The following SNTG1 variants were observed in gnomAD, a reference collection of about 807,000 sequenced individuals.
The protein encoded by SNTG1 is syntrophin gamma 1.
SNTG1 carries 39 observed loss-of-function variants against 74.7 expected under a neutral mutation model. The observed-to-expected ratio is 0.52, with a 90% CI of 0.40 to 0.68. The LOEUF is 0.68. Among genes scored for constraint, SNTG1 ranks in the 30% least tolerant of loss-of-function variants. The pLI is 0.00. For missense variants in SNTG1, 685 were observed against 609.5 expected, an observed-to-expected ratio of 1.12 and a Z score of -1.30; for synonymous variants, 254 against 217.1, an observed-to-expected ratio of 1.17 and a Z score of -1.49.
chr8:50,523,497 T>A (rs2094196512), intron 9 of SNTG1, among the ~76,000 whole-genome samples: 1 of 152,184 alleles, frequency 6.6e-6, no homozygotes. Context: ...GGTTATTCTT[T>A]GTTCTAATTT....
chr8:50,278,838 ACTT>A (rs112352821), intron 2 of SNTG1, among the ~76,000 whole-genome samples: 7,281 of 150,366 alleles, frequency 0.048, 221 homozygotes, highest in Middle Eastern at 0.1. Context: ...CTTTAACTTA[ACTT>A]AAAAAATTCA....
intron 4 of SNTG1, among the ~76,000 whole-genome samples, chr8:50,415,826 A>G (rs143413648): frequency 2.7e-4 from 41 of 152,296 alleles, no homozygotes; most frequent in African/African-American, 9.6e-4. Flanking sequence ...CAGAGTTTAA[A>G]TAAGCCTTTT....
intron 4 of SNTG1, among the ~76,000 whole-genome samples, chr8:50,433,265 T>C (rs2093261244): frequency 6.6e-6 from 1 of 152,192 alleles, no homozygotes; most frequent in African/African-American, 2.4e-5. Flanking sequence ...TTTCAATTCT[T>C]TGGGATTTTA....
intron 1 of SNTG1, chr8:50,164,088 ATTTC>A (rs1277012563): frequency 1.9e-5 from 2 of 105,078 alleles, no homozygotes; most frequent in Admixed American, 9.2e-5. Context: ...GAAAGACACA[ATTTC>A]TTTTTTTTTT....
intron 2 of SNTG1, among the ~76,000 whole-genome samples, chr8:50,380,060 G>A (rs1485582640): frequency 6.6e-6 from 1 of 152,138 alleles, no homozygotes; most frequent in Non-Finnish European, 1.5e-5. Flanking sequence ...AATCACCTCG[G>A]GACGTTTACG....
At position 50,796,031 on chromosome 8, in the gene SNTG1, G is replaced by A. The variant is rs2131887171; in HGVS notation, c.*3202G>A. ...GTCAAGTCCATATTAGCCATGCAAA[G>A]AGAGAAATTTTCCTTTGGGTGCATT... is the stretch of plus-strand genomic sequence containing the variant. On this transcript the variant is annotated 3_prime_UTR_variant, in exon 19 of 19. Coordinates refer to ENST00000642720, the MANE Select transcript of SNTG1 (RefSeq NM_018967.5). The A allele has an allele frequency of 6.6e-6, 1 of 152,174 alleles. No individual in the cohort carries two copies. 9.4% of individuals were successfully genotyped at this position (152,174 alleles called of 1,614,324 possible).
intron 13 of SNTG1, among the ~76,000 whole-genome samples, chr8:50,597,945 A>C (rs2094742829): frequency 6.6e-6 from 1 of 151,702 alleles, no homozygotes; most frequent in Non-Finnish European, 1.5e-5. Flanking sequence ...TGAGCTTCTT[A>C]TATATTACGG....
At chr8:50,110,346 C>T (rs2080536449) in intron 1 of SNTG1, among the ~76,000 whole-genome samples, 1 of 152,140 alleles carries the variant, frequency 6.6e-6, no homozygotes, top group African/African-American at 2.4e-5. Flanking sequence ...GCTTCCCCTT[C>T]TGCTCATGTC....
intron 15 of SNTG1, among the ~76,000 whole-genome samples, chr8:50,681,046 T>C (rs2095328851): frequency 6.6e-6 from 1 of 152,182 alleles, no homozygotes; most frequent in Admixed American, 6.5e-5. Flanking sequence ...GTCATACTCA[T>C]CTCAACAAAA....
At chr8:50,518,355 G>A (rs2094151292) in intron 9 of SNTG1, among the ~76,000 whole-genome samples, 1 of 152,110 alleles carries the variant, frequency 6.6e-6, no homozygotes, top group Non-Finnish European at 1.5e-5. Flanking sequence ...GAGAAAGCAG[G>A]AAATTTCTAA....
intron 9 of SNTG1, among the ~76,000 whole-genome samples, chr8:50,525,538 C>T: frequency 6.6e-6 from 1 of 151,994 alleles, no homozygotes; most frequent in Non-Finnish European, 1.5e-5. Context: ...ATATAAATCT[C>T]TTAGCATTTC....
intron 2 of SNTG1, among the ~76,000 whole-genome samples, chr8:50,377,291 C>T (rs1212825100): frequency 1.3e-5 from 2 of 151,990 alleles, no homozygotes; most frequent in Non-Finnish European, 2.9e-5. Flanking sequence ...TATTTATACC[C>T]ATTTATATAT....
chr8:50,564,136 A>G (rs1041382365), intron 12 of SNTG1, among the ~76,000 whole-genome samples: 33 of 151,558 alleles, frequency 2.2e-4, no homozygotes, highest in African/African-American at 7.8e-4. Flanking sequence ...TTTTTAAAAT[A>G]GAAATATCAC....
At chr8:50,466,147 T>A (rs573986247) in intron 8 of SNTG1, among the ~76,000 whole-genome samples, 12 of 152,276 alleles carry the variant, frequency 7.9e-5, no homozygotes, top group South Asian at 2.1e-4. Context: ...TATTTTATAC[T>A]CCACTTTCTT....
At chr8:50,305,304 C>T (rs948385565) in intron 2 of SNTG1, among the ~76,000 whole-genome samples, 1 of 152,014 alleles carries the variant, frequency 6.6e-6, no homozygotes, top group African/African-American at 2.4e-5. Context: ...AATTTTCTTT[C>T]TCTTATGGTG....
chr8:50,746,469 A>C (rs1046418502), intron 17 of SNTG1, among the ~76,000 whole-genome samples: 1 of 151,968 alleles, frequency 6.6e-6, no homozygotes, highest in Non-Finnish European at 1.5e-5. Context: ...AAAACATTAC[A>C]ATAGGTGCTA....
intron 1 of SNTG1, among the ~76,000 whole-genome samples, chr8:50,069,319 C>A (rs998903817): frequency 6.6e-6 from 1 of 152,076 alleles, no homozygotes; most frequent in African/African-American, 2.4e-5. Context: ...ATCACAAAAT[C>A]CACAAGTGCT....
intron 2 of SNTG1, among the ~76,000 whole-genome samples, chr8:50,229,400 G>A (rs1308828732): frequency 1.3e-5 from 2 of 151,126 alleles, no homozygotes; most frequent in African/African-American, 4.8e-5. Flanking sequence ...AAAGGATAGA[G>A]AAAGATATAC....
At chr8:50,451,841 A>C (rs975380546) in intron 8 of SNTG1, among the ~76,000 whole-genome samples, 1 of 152,204 alleles carries the variant, frequency 6.6e-6, no homozygotes, top group Non-Finnish European at 1.5e-5. Flanking sequence ...GTCGTGGTTG[A>C]ATAAATATCA....
Sources: gnomAD v4.1 joint callset for allele counts (sites outside exome capture counted in the v4.1 genomes callset) on GRCh38, gnomAD v4.1.1 for gene constraint, MANE v1.5 for transcripts, NCBI Gene and HGNC (gene_info 2026-07-23, HGNC 2026-07-21) for gene names.